The following LGSN variants were observed in gnomAD, a reference collection of about 807,000 sequenced individuals.
The protein encoded by LGSN is lengsin.
Under a neutral mutation model 19.5 loss-of-function variants are expected in LGSN, and 21 were observed. That is an observed-to-expected ratio of 1.07 (90% CI 0.76 to 1.55). The LOEUF is 1.55. LGSN is among the 40% of genes most tolerant of loss of function. LGSN has a pLI of 0.00. For missense variants in LGSN, 673 were observed against 608.5 expected (o/e 1.11, Z -1.12); for synonymous variants, 257 against 215.6 (o/e 1.19, Z -1.68).
the LGSN span, among the ~76,000 whole-genome samples, chr6:63,329,780 C>T: frequency 1.3e-5 from 2 of 152,110 alleles, no homozygotes; most frequent in African/African-American, 4.8e-5. Flanking sequence ...TATATCCCTC[C>T]CTAATAAGGG....
chr6:63,562,201 C>CT, the LGSN span, among the ~76,000 whole-genome samples: 17,365 of 137,214 alleles, frequency 0.13, 1,467 homozygotes, highest in African/African-American at 0.24. Flanking sequence ...TTTTCTTTTT[C>CT]TTTTTTTTTT....
At chr6:63,519,992 C>T in the LGSN span, among the ~76,000 whole-genome samples, 43 of 152,324 alleles carry the variant, frequency 2.8e-4, no homozygotes, top group African/African-American at 1.0e-3. Context: ...AACCTGTAGA[C>T]TGATTTAATG....
chr6:63,462,689 C>G, the LGSN span, among the ~76,000 whole-genome samples: 1 of 152,202 alleles, frequency 6.6e-6, no homozygotes, highest in Non-Finnish European at 1.5e-5. Flanking sequence ...TCACATGCCT[C>G]TAACAACCAA....
At chr6:63,348,019 C>T in the LGSN span, among the ~76,000 whole-genome samples, 1 of 152,106 alleles carries the variant, frequency 6.6e-6, no homozygotes, top group South Asian at 2.1e-4. Flanking sequence ...AGGAGAAACT[C>T]CTTTCTCCAA....
the LGSN span, among the ~76,000 whole-genome samples, chr6:63,406,201 C>T: frequency 2.0e-5 from 3 of 152,302 alleles, no homozygotes; most frequent in South Asian, 6.2e-4. Context: ...CAGAACTCTC[C>T]ACCCCAAATC....
At chr6:63,537,542 G>C in the LGSN span, among the ~76,000 whole-genome samples, 2 of 152,152 alleles carry the variant, frequency 1.3e-5, no homozygotes, top group Non-Finnish European at 2.9e-5. Flanking sequence ...TCACCCCAGA[G>C]AAAAAAGCCA....
At chr6:63,487,714 C>T in the LGSN span, among the ~76,000 whole-genome samples, 3 of 152,182 alleles carry the variant, frequency 2.0e-5, no homozygotes, top group African/African-American at 7.2e-5. Flanking sequence ...AGCGTGGTTG[C>T]TCACGCCTGT....
the LGSN span, among the ~76,000 whole-genome samples, chr6:63,330,014 C>T: frequency 4.6e-5 from 7 of 152,256 alleles, no homozygotes; most frequent in East Asian, 5.8e-4. Flanking sequence ...TAAACATACC[C>T]GGGGCTCAGT....
chr6:63,325,967 C>A, the LGSN span, among the ~76,000 whole-genome samples: 2 of 152,126 alleles, frequency 1.3e-5, no homozygotes, highest in African/African-American at 4.8e-5. Context: ...ACCCACATCC[C>A]GCTGATTGGT....
chr6:63,341,555 G>C, the LGSN span, among the ~76,000 whole-genome samples: 2 of 152,204 alleles, frequency 1.3e-5, no homozygotes, highest in African/African-American at 4.8e-5. Context: ...GGCTCCTTTT[G>C]TCCTGGGGGA....
intron 1 of LGSN, among the ~76,000 whole-genome samples, chr6:63,295,371 T>A: frequency 6.6e-6 from 1 of 152,312 alleles, no homozygotes; most frequent in Middle Eastern, 3.4e-3. Context: ...TCCTCAATAA[T>A]TTTGCAAAAC....
the LGSN span, among the ~76,000 whole-genome samples, chr6:63,394,797 C>T: frequency 6.6e-6 from 1 of 152,216 alleles, no homozygotes; most frequent in African/African-American, 2.4e-5. Context: ...CCCAGGACTG[C>T]CGGGTGCTGG....
At chr6:63,520,104 A>ATTC in the LGSN span, among the ~76,000 whole-genome samples, 1 of 152,202 alleles carries the variant, frequency 6.6e-6, no homozygotes, top group Non-Finnish European at 1.5e-5. Context: ...AACAAAAACT[A>ATTC]ACCACTGGAT....
At chr6:63,556,302 G>A in the LGSN span, among the ~76,000 whole-genome samples, 1 of 151,900 alleles carries the variant, frequency 6.6e-6, no homozygotes, top group Non-Finnish European at 1.5e-5. Context: ...AGGAATACAG[G>A]TGTATAACAT....
chr6:63,449,927 T>C, the LGSN span, among the ~76,000 whole-genome samples: 5 of 152,144 alleles, frequency 3.3e-5, no homozygotes, highest in African/African-American at 1.2e-4. Context: ...AATGAAAACA[T>C]ACCCTTTTTA....
At chr6:63,503,505 C>T in the LGSN span, among the ~76,000 whole-genome samples, 5 of 152,308 alleles carry the variant, frequency 3.3e-5, no homozygotes, top group South Asian at 1.0e-3. Context: ...TAATCCTCTA[C>T]CCAAGATTTA....
At chr6:63,361,956 C>T in the LGSN span, among the ~76,000 whole-genome samples, 1 of 152,186 alleles carries the variant, frequency 6.6e-6, no homozygotes, top group South Asian at 2.1e-4. Flanking sequence ...GTCAGGCACA[C>T]TTGTAGCTCC....
At chr6:63,566,531 G>A in the LGSN span, among the ~76,000 whole-genome samples, 4 of 152,162 alleles carry the variant, frequency 2.6e-5, no homozygotes, top group African/African-American at 9.7e-5. Flanking sequence ...TCAAGACACA[G>A]AAAGGAAGTG....
chr6:63,510,763 T>C, the LGSN span, among the ~76,000 whole-genome samples: 1 of 147,798 alleles, frequency 6.8e-6, no homozygotes, highest in Non-Finnish European at 1.5e-5. Flanking sequence ...AACCTCTGCC[T>C]CCTGGATTCA....
Sources: gnomAD v4.1 joint callset for allele counts (sites outside exome capture counted in the v4.1 genomes callset) on GRCh38, gnomAD v4.1.1 for gene constraint, MANE v1.5 for transcripts, NCBI Gene and HGNC (gene_info 2026-07-23, HGNC 2026-07-21) for gene names.